The following SLC39A11 variants were observed in gnomAD, a reference collection of about 807,000 sequenced individuals.
SLC39A11 encodes zinc transporter ZIP11.
A neutral mutation model predicts 36.1 loss-of-function variants in SLC39A11; 33 were observed. The ratio of observed to expected loss-of-function variants is 0.91; its 90% CI spans 0.69 to 1.22. The LOEUF (loss-of-function observed/expected upper bound fraction) is 1.22, where lower values mean the gene tolerates loss of function less well. Among genes scored for constraint, SLC39A11 ranks in the 50% most tolerant of loss-of-function variants. SLC39A11 has a pLI of 0.00. For synonymous variants in SLC39A11, 166 were observed against 170.3 expected (o/e 0.97, Z 0.20); for missense variants, 432 against 430.3 (o/e 1.00, Z -0.03).
At chr17:72,965,758 C>G (rs944436296) in intron 4 of SLC39A11, among the ~76,000 whole-genome samples, 1 of 152,128 alleles carries the variant, frequency 6.6e-6, no homozygotes, top group Non-Finnish European at 1.5e-5. Flanking sequence ...GATGGAAGAC[C>G]AGAAAATCAT....
At chr17:73,044,314 A>T (rs1460469901) in intron 3 of SLC39A11, among the ~76,000 whole-genome samples, 1 of 152,246 alleles carries the variant, frequency 6.6e-6, no homozygotes, top group Admixed American at 6.5e-5. Context: ...CAACAGGAGA[A>T]TGAATAAACA....
intron 4 of SLC39A11, among the ~76,000 whole-genome samples, chr17:72,951,641 G>A (rs900948912): frequency 6.6e-6 from 1 of 152,090 alleles, no homozygotes; most frequent in Non-Finnish European, 1.5e-5. Flanking sequence ...AGAAAAATAA[G>A]CCATATCTGT....
At chr17:72,911,842 C>T (rs1223700462) in intron 5 of SLC39A11, among the ~76,000 whole-genome samples, 6 of 152,180 alleles carry the variant, frequency 3.9e-5, no homozygotes, top group Admixed American at 1.3e-4. Context: ...TGGGGTTTCA[C>T]CATGTTGGCC....
intron 5 of SLC39A11, among the ~76,000 whole-genome samples, chr17:72,862,304 G>A (rs57326721): frequency 4.6e-5 from 7 of 152,312 alleles, no homozygotes; most frequent in Admixed American, 1.3e-4. Flanking sequence ...CTGAGGTTGC[G>A]TGGAGCTAAC....
intron 7 of SLC39A11, among the ~76,000 whole-genome samples, chr17:72,728,268 T>C (rs2074013975): frequency 6.6e-6 from 1 of 151,976 alleles, no homozygotes; most frequent in South Asian, 2.1e-4. Context: ...GCAAACTCAA[T>C]CTCTACAAAA....
chr17:73,078,793 C>T (rs1325591931), intron 3 of SLC39A11, among the ~76,000 whole-genome samples: 1 of 151,848 alleles, frequency 6.6e-6, no homozygotes, highest in African/African-American at 2.4e-5. Flanking sequence ...CCACCATGCC[C>T]GGCCTATCTC....
At chr17:72,926,215 C>T (rs2084039762) in intron 5 of SLC39A11, among the ~76,000 whole-genome samples, 1 of 152,146 alleles carries the variant, frequency 6.6e-6, no homozygotes, top group African/African-American at 2.4e-5. Flanking sequence ...TTTAAAAAAT[C>T]AAATCATAAT....
intron 4 of SLC39A11, among the ~76,000 whole-genome samples, chr17:73,000,337 C>A (rs1489566996): frequency 1.3e-5 from 2 of 151,408 alleles, no homozygotes; most frequent in African/African-American, 4.9e-5. Flanking sequence ...TCTCTCTTCT[C>A]CCCTCTCTCT....
chr17:72,897,514 G>T (rs2146848540), intron 5 of SLC39A11, among the ~76,000 whole-genome samples: 1 of 152,276 alleles, frequency 6.6e-6, no homozygotes, highest in Admixed American at 6.5e-5. Flanking sequence ...GTAGTTGAAC[G>T]TTGGTACCCC....
At chr17:72,687,368 C>T (rs894710568) in intron 7 of SLC39A11, among the ~76,000 whole-genome samples, 29 of 152,144 alleles carry the variant, frequency 1.9e-4, no homozygotes, top group African/African-American at 6.8e-4. Flanking sequence ...CTCAGCCTCA[C>T]GAGTAGCTGG....
intron 6 of SLC39A11, among the ~76,000 whole-genome samples, chr17:72,745,558 C>A (rs2074898741): frequency 6.6e-6 from 1 of 152,174 alleles, no homozygotes; most frequent in Admixed American, 6.5e-5. Flanking sequence ...CACAGGCTAA[C>A]TGAAAGCTCA....
intron 4 of SLC39A11, among the ~76,000 whole-genome samples, chr17:72,960,637 GT>G (rs1323223885): frequency 6.7e-6 from 1 of 149,578 alleles, no homozygotes; most frequent in Non-Finnish European, 1.5e-5. Flanking sequence ...AAAAATAAAA[GT>G]AAAAAATTAA....
intron 4 of SLC39A11, among the ~76,000 whole-genome samples, chr17:72,970,576 C>A (rs1469284370): frequency 5.3e-5 from 8 of 151,284 alleles, no homozygotes; most frequent in Admixed American, 1.3e-4. Context: ...ACAAAAAAAA[C>A]CAAGCTTTTG....
intron 7 of SLC39A11, among the ~76,000 whole-genome samples, chr17:72,691,574 G>A (rs191531552): frequency 8.6e-4 from 131 of 152,272 alleles, no homozygotes; most frequent in African/African-American, 2.8e-3. Flanking sequence ...GGATCAAAAG[G>A]TATTTTCAAT....
At chr17:72,988,688 G>GTTAC (rs1419133997) in intron 4 of SLC39A11, among the ~76,000 whole-genome samples, 13 of 151,846 alleles carry the variant, frequency 8.6e-5, no homozygotes, top group Non-Finnish European at 1.6e-4. Flanking sequence ...TATGAATTGT[G>GTTAC]TTACTTACTT....
At chr17:72,900,062 AAGAGAG>A (rs576702587) in intron 5 of SLC39A11, among the ~76,000 whole-genome samples, 4 of 140,260 alleles carry the variant, frequency 2.9e-5, no homozygotes, top group East Asian at 2.0e-4. Context: ...GAAAGAAAGA[AAGAGAG>A]AGAGAGAAAG....
intron 7 of SLC39A11, among the ~76,000 whole-genome samples, chr17:72,662,141 C>T (rs757052256): frequency 7.2e-5 from 11 of 152,084 alleles, no homozygotes; most frequent in East Asian, 1.9e-4. Flanking sequence ...CAGTGGTTCG[C>T]GCCTGTAATC....
Position 72,849,642 on chromosome 17 carries a change from T to C in SLC39A11, c.593A>G (p.Asn198Ser). ...ALLILAITIH[N>S]VPEGLAVGVG... Reference sequence around the variant, plus strand: ...CACGGGCAAGACCTCACCTGGAACGTTGTGTATAGTGATGGCCAAGATGAG... The same window carrying C: ...CACGGGCAAGACCTCACCTGGAACGCTGTGTATAGTGATGGCCAAGATGAG... Residue 198 changes from asparagine (N) to serine (S), a missense_variant, in exon 6 of 10, where the codon AAC becomes AGC. Coordinates refer to ENST00000255559, the MANE Select transcript of SLC39A11 (RefSeq NM_139177.4). The C allele has an allele frequency of 1.3e-6, 2 of 1,547,368 alleles. No homozygotes were observed. Among genetic ancestry groups the C allele is most frequent in the Admixed American group, 2.1e-5 (1 of 48,106 alleles).
At position 72,910,924 on chromosome 17, in the gene SLC39A11, C is replaced by A. The variant is rs1421224885; in HGVS notation, c.430+36828G>T. ...CCTGGGCAACAGAGCAAGACTCCAC[C>A]TCAAAAAAAAAAAAAAAAAAAAAAG... On this transcript the variant is annotated intron_variant, in intron 5 of 9. Coordinates refer to ENST00000255559, the MANE Select transcript of SLC39A11 (RefSeq NM_139177.4). Among the ~76,000 whole-genome samples, 127 of 92,624 alleles carry A rather than the reference C, an allele frequency of 1.4e-3. 1 individual carries two copies. Among genetic ancestry groups the A allele is most frequent in the Non-Finnish European group, 2.4e-4 (11 of 45,016 alleles). The allele number at this position is 92,624 out of a possible 152,430, so 60.8% of individuals were successfully genotyped here.
Sources: allele counts gnomAD v4.1 joint callset (sites outside exome capture counted in the v4.1 genomes callset), GRCh38; gene constraint gnomAD v4.1.1; transcripts MANE v1.5; gene names NCBI Gene and HGNC (gene_info 2026-07-23, HGNC 2026-07-21).